FNDC3A: variants seen among roughly 807,000 people sequenced by gnomAD.
The protein encoded by FNDC3A is fibronectin type-III domain-containing protein 3A.
In FNDC3A, 32 loss-of-function variants were observed where a neutral mutation model predicts 148.9. The ratio of observed to expected loss-of-function variants is 0.21; its 90% CI spans 0.16 to 0.29. The LOEUF is 0.29. FNDC3A is among the 10% of genes least tolerant of loss of function. The pLI is 1.00. For synonymous variants in FNDC3A, 472 were observed against 473.6 expected (o/e 1.00, Z 0.04); for missense variants, 1,191 against 1,452.8 (o/e 0.82, Z 2.93).
At chr13:49,171,835 CTT>C (rs1298665629) in intron 10 of FNDC3A, among the ~76,000 whole-genome samples, 2 of 152,154 alleles carry the variant, frequency 1.3e-5, no homozygotes, top group East Asian at 1.9e-4. Flanking sequence ...TTCGGAAAGA[CTT>C]GAGTAGCTTC....
At chr13:49,192,143 A>G (rs1885919432) in intron 19 of FNDC3A, among the ~76,000 whole-genome samples, 1 of 152,218 alleles carries the variant, frequency 6.6e-6, no homozygotes, top group South Asian at 2.1e-4. Flanking sequence ...CAGCTAAATA[A>G]CAATTTCTTT....
At position 49,191,265 on chromosome 13, in the gene FNDC3A, C is replaced by T. The variant is rs753012137; in HGVS notation, c.2107C>T (p.Pro703Ser). The T allele has an allele frequency of 1.2e-6, 2 of 1,613,062 alleles. No individual in the cohort carries two copies. Among genetic ancestry groups the T allele is most frequent in the Non-Finnish European group, 1.7e-6 (2 of 1,179,664 alleles). ...TTCCTGTTACAGTGTGGAAATGTCT[C>T]CTATAGAAAAAGATGAACCTAGAGA... ...PISCYSVEMS[P>S]IEKDEPREVY... The change falls in exon 19 of 26, where the codon CCT becomes TCT. Residue 703 changes from proline (P) to serine (S), a missense_variant. This residue lies in a region of FNDC3A where 751 missense variants were observed against 944.0 expected (regional missense o/e 0.80). Transcript: ENST00000492622.
intron 3 of FNDC3A, among the ~76,000 whole-genome samples, chr13:49,113,027 C>T (rs1017016712): frequency 8.6e-5 from 13 of 151,854 alleles, no homozygotes; most frequent in African/African-American, 2.9e-4. Context: ...CCTACTTTCT[C>T]TTCCCCTCCC....
At chr13:49,102,319 A>G (rs918005759) in intron 3 of FNDC3A, among the ~76,000 whole-genome samples, 9 of 152,260 alleles carry the variant, frequency 5.9e-5, no homozygotes, top group Middle Eastern at 6.8e-3. Context: ...TGTTTTCCAT[A>G]TAATATCCCT....
At chr13:49,123,670 C>T (rs1000918957) in intron 4 of FNDC3A, among the ~76,000 whole-genome samples, 2 of 151,618 alleles carry the variant, frequency 1.3e-5, no homozygotes, top group African/African-American at 2.4e-5. Context: ...AAACCAACCC[C>T]ATCAAAAAGT....
intron 1 of FNDC3A, among the ~76,000 whole-genome samples, chr13:48,988,800 G>C (rs1951853308): frequency 6.6e-6 from 1 of 150,866 alleles, no homozygotes; most frequent in African/African-American, 2.4e-5. Flanking sequence ...GGCCATGATT[G>C]TGCCACTGCA....
intron 25 of FNDC3A, 75 bp from the exon 26 acceptor site, chr13:49,207,006 T>C: frequency 9.4e-7 from 1 of 1,062,476 alleles, no homozygotes; most frequent in Non-Finnish European, 1.4e-6. Context: ...AAAACAATTC[T>C]AACACTAGCC....
At chr13:49,060,963 G>T (rs994026042) in intron 2 of FNDC3A, among the ~76,000 whole-genome samples, 1 of 151,886 alleles carries the variant, frequency 6.6e-6, no homozygotes, top group Non-Finnish European at 1.5e-5. Context: ...GCCACTGAAG[G>T]TTACACTTTA....
In FNDC3A at chr13:49,075,327, A is replaced by C. The variant is rs765058741; in HGVS notation, c.138A>C (p.Thr46=). Residue 46 remains threonine (T), a synonymous_variant, in exon 3 of 26, where the codon ACA becomes ACC. Transcript: ENST00000492622. ...AAGTTAACCCAGGAGAAGCATTTAC[A>C]ATAAGAAGAGAAGATGGACAGTTTC... ...LVQVNPGEAF[T]IRREDGQFQC... is the part of the protein sequence containing the mutation. 2 of 1,604,040 alleles carry C rather than the reference A, an allele frequency of 1.2e-6. No homozygotes were observed. Among genetic ancestry groups the C allele is most frequent in the Non-Finnish European group, 1.7e-6 (2 of 1,171,326 alleles).
chr13:49,114,850 T>C (rs1880829458), intron 4 of FNDC3A, 119 bp downstream of exon 4: 1 of 763,224 alleles, frequency 1.3e-6, no homozygotes. Flanking sequence ...AAGTGTTGTG[T>C]ATCTATCATA....
intron 1 of FNDC3A, among the ~76,000 whole-genome samples, chr13:48,989,570 G>A (rs1951871666): frequency 6.6e-6 from 1 of 152,132 alleles, no homozygotes; most frequent in African/African-American, 2.4e-5. Context: ...TACAGCAATA[G>A]AAACTATCCA....
intron 2 of FNDC3A, among the ~76,000 whole-genome samples, chr13:49,015,111 A>C (rs1952466229): frequency 6.6e-6 from 1 of 152,168 alleles, no homozygotes; most frequent in Non-Finnish European, 1.5e-5. Flanking sequence ...TGAACTTTAA[A>C]GTAGTTTTTT....
At chr13:49,060,262 G>A (rs777215212) in intron 2 of FNDC3A, among the ~76,000 whole-genome samples, 1 of 152,206 alleles carries the variant, frequency 6.6e-6, no homozygotes, top group African/African-American at 2.4e-5. Flanking sequence ...ATAGCCAGAA[G>A]GTGGAAATAG....
intron 19 of FNDC3A, among the ~76,000 whole-genome samples, chr13:49,195,057 A>G (rs1187167815): frequency 6.6e-6 from 1 of 152,194 alleles, no homozygotes; most frequent in Non-Finnish European, 1.5e-5. Flanking sequence ...ACCATATCAA[A>G]TAATACTTTT....
intron 8 of FNDC3A, among the ~76,000 whole-genome samples, chr13:49,161,780 G>A (rs951073409): frequency 2.0e-5 from 3 of 152,166 alleles, no homozygotes; most frequent in African/African-American, 7.2e-5. Flanking sequence ...TCCTTCAGGA[G>A]CTCTTGTAGG....
intron 8 of FNDC3A, among the ~76,000 whole-genome samples, chr13:49,153,158 C>T (rs1360340552): frequency 6.6e-6 from 1 of 151,930 alleles, no homozygotes; most frequent in Non-Finnish European, 1.5e-5. Context: ...GTTCCTATTT[C>T]TCCACATCCT....
chr13:49,201,118 T>C, intron 23 of FNDC3A: 1 of 287,742 alleles, frequency 3.5e-6, no homozygotes, highest in East Asian at 9.1e-5. Context: ...ATTCTCTAAT[T>C]TCCAAAAATT....
At chr13:49,026,478 G>C (rs534403107) in intron 2 of FNDC3A, among the ~76,000 whole-genome samples, 19 of 152,098 alleles carry the variant, frequency 1.2e-4, no homozygotes, top group Non-Finnish European at 2.6e-4. Context: ...CAGGGTAGTT[G>C]CTAAGAGGTT....
chr13:49,072,671 A>T (rs1172965550), intron 2 of FNDC3A, among the ~76,000 whole-genome samples: 1 of 152,138 alleles, frequency 6.6e-6, no homozygotes, highest in African/African-American at 2.4e-5. Context: ...TTAATTGCAG[A>T]TGGGGTCTTG....
Sources: gnomAD v4.1 joint callset for allele counts (sites outside exome capture counted in the v4.1 genomes callset) on GRCh38, gnomAD v4.1.1 for gene constraint, gnomAD v4.1.1 regional missense constraint, MANE v1.5 for transcripts, NCBI Gene and HGNC (gene_info 2026-07-23, HGNC 2026-07-21) for gene names.